The following STK38L variants were observed in gnomAD, a reference collection of about 807,000 sequenced individuals.
STK38L encodes the protein serine/threonine-protein kinase 38-like.
A neutral mutation model predicts 59.7 loss-of-function variants in STK38L; 28 were observed. The observed-to-expected ratio is 0.47, with a 90% CI of 0.35 to 0.64. The LOEUF (loss-of-function observed/expected upper bound fraction) is 0.64, where lower values mean the gene tolerates loss of function less well. Among genes scored for constraint, STK38L ranks in the 30% least tolerant of loss-of-function variants. The pLI is 0.01. For missense variants in STK38L, 314 were observed against 555.8 expected (o/e 0.56, Z 4.37); for synonymous variants, 162 against 176.8 (o/e 0.92, Z 0.66).
In STK38L at chr12:27,315,290, A is replaced by G. The variant is rs986142787; in HGVS notation, c.777A>G (p.Ser259=). The change falls in exon 9 of 14, where the codon TCA becomes TCG. Residue 259 remains serine (S), a splice_region_variant and synonymous_variant. Transcript: ENST00000389032. The part of the protein sequence containing the change: ...NLTHNPPSDF[S]FQNMNSKRKA... ...ACAATTCCATATTGTTGAAATTAGC[A>G]TTTCAGAACATGAACTCAAAGAGGA... 1.3e-5 allele frequency: 21 copies of G among 1,613,702 alleles called. No homozygotes were observed. The highest frequency in any genetic ancestry group is 1.7e-5 in the Non-Finnish European group (20 of 1,179,872).
chr12:27,278,752 C>G (rs1028102312), intron 1 of STK38L, among the ~76,000 whole-genome samples: 2 of 152,120 alleles, frequency 1.3e-5, no homozygotes, highest in African/African-American at 4.8e-5. Flanking sequence ...AACCTTAACT[C>G]TCAGTTTGGA....
intron 1 of STK38L, among the ~76,000 whole-genome samples, chr12:27,266,471 C>T (rs990532992): frequency 7.2e-5 from 11 of 152,276 alleles, no homozygotes; most frequent in East Asian, 1.9e-4. Context: ...CCTGTCAGTC[C>T]GCCATTACCC....
At chr12:27,315,715 A>G (rs953226245) in intron 9 of STK38L, among the ~76,000 whole-genome samples, 6 of 152,238 alleles carry the variant, frequency 3.9e-5, no homozygotes, top group African/African-American at 1.2e-4. Context: ...ACAAATATCA[A>G]TCAGCAAGTA....
chr12:27,317,640 TG>T (rs1944618137), intron 10 of STK38L, 187 bp downstream of exon 10: 8 of 705,796 alleles, frequency 1.1e-5, no homozygotes, highest in Non-Finnish European at 1.8e-5. Context: ...TTCAGGAAGG[TG>T]GGTATTTAAC....
At chr12:27,302,894 TC>T in intron 3 of STK38L, among the ~76,000 whole-genome samples, 1 of 151,268 alleles carries the variant, frequency 6.6e-6, no homozygotes, top group East Asian at 1.9e-4. Context: ...GCGCCTGTAG[TC>T]CCAGCTACTC....
At chr12:27,258,273 G>A (rs1943131297) in intron 1 of STK38L, among the ~76,000 whole-genome samples, 1 of 152,202 alleles carries the variant, frequency 6.6e-6, no homozygotes, top group African/African-American at 2.4e-5. Context: ...TCGAACTCCT[G>A]AGCTTAAGCA....
chr12:27,261,732 T>C (rs567124972), intron 1 of STK38L, among the ~76,000 whole-genome samples: 1 of 152,340 alleles, frequency 6.6e-6, no homozygotes, highest in South Asian at 2.1e-4. Flanking sequence ...ACAAATTTCT[T>C]AAGTTCTTCT....
At chr12:27,260,614 G>A (rs1314678219) in intron 1 of STK38L, among the ~76,000 whole-genome samples, 5 of 152,072 alleles carry the variant, frequency 3.3e-5, no homozygotes, top group Non-Finnish European at 5.9e-5. Context: ...CAGGGCCTTT[G>A]CACTTACCAT....
In STK38L at chr12:27,308,989, T is replaced by G. The variant is rs7955874; in HGVS notation, c.310-125T>G. ...ATATATAGATATAAAAATATATAGA[T>G]ATATATATATAAAATTCCTGAAATA... On this transcript the variant is annotated intron_variant, in intron 4 of 13. Coordinates refer to ENST00000389032, the MANE Select transcript of STK38L (RefSeq NM_015000.4). This position sits in a 1 kb window ranked among gnomAD's most constrained non-coding sequence, Gnocchi z 4.5. 0.039 allele frequency: 6,903 copies of G among 175,770 alleles called. 512 individuals are homozygous for G. Among genetic ancestry groups the G allele is most frequent in the African/African-American group, 0.16 (6,447 of 40,352 alleles). 10.9% of individuals were successfully genotyped at this position (175,770 alleles called of 1,614,324 possible). A position where few individuals can be genotyped will look rare whatever the true frequency, so the allele number is the denominator to read the frequency against.
intron 6 of STK38L, among the ~76,000 whole-genome samples, chr12:27,313,175 G>C (rs1944496779): frequency 1.3e-5 from 2 of 151,710 alleles, no homozygotes; most frequent in African/African-American, 4.8e-5. Context: ...GTGAACCCGG[G>C]AGGCGGAGCT....
chr12:27,269,278 A>T (rs1420334452), intron 1 of STK38L, among the ~76,000 whole-genome samples: 1 of 152,152 alleles, frequency 6.6e-6, no homozygotes, highest in East Asian at 1.9e-4. Context: ...TCTTTAATCC[A>T]TCTTGAATTA....
intron 1 of STK38L, among the ~76,000 whole-genome samples, chr12:27,255,024 C>G (rs1291782229): frequency 1.3e-5 from 2 of 152,164 alleles, no homozygotes; most frequent in Admixed American, 1.3e-4. Flanking sequence ...ACCAGTGTCT[C>G]TTTATTTTTA....
intron 1 of STK38L, among the ~76,000 whole-genome samples, chr12:27,278,614 T>C (rs1943587014): frequency 1.3e-5 from 2 of 152,218 alleles, no homozygotes; most frequent in Admixed American, 1.3e-4. Flanking sequence ...GGTTTGTCTT[T>C]ATTTGGTCAC....
In STK38L at chr12:27,315,281, GAA is replaced by G; in HGVS notation, c.776-6_776-5del. The stretch of plus-strand genomic sequence containing the variant: ...CTCGTGATTACAATTCCATATTGTT[GAA>G]ATTAGCATTTCAGAACATGAACTCA... On this transcript the variant is annotated splice_polypyrimidine_tract_variant and splice_region_variant and intron_variant, in intron 8 of 13. Coordinates refer to ENST00000389032, the MANE Select transcript of STK38L (RefSeq NM_015000.4). 3 of 1,613,566 alleles carry G rather than the reference GAA, an allele frequency of 1.9e-6. No individual in the cohort carries two copies. Among genetic ancestry groups the G allele is most frequent in the Non-Finnish European group, 2.5e-6 (3 of 1,179,762 alleles).
intron 1 of STK38L, among the ~76,000 whole-genome samples, chr12:27,270,935 G>C (rs1943409978): frequency 6.6e-6 from 1 of 152,140 alleles, no homozygotes; most frequent in Non-Finnish European, 1.5e-5. Context: ...ATTATCTTTT[G>C]GTAGATTTTT....
At chr12:27,268,910 A>G (rs527924638) in intron 1 of STK38L, among the ~76,000 whole-genome samples, 38 of 152,286 alleles carry the variant, frequency 2.5e-4, no homozygotes, top group South Asian at 1.2e-3. Context: ...GGCTTCATAA[A>G]TGTCTTCTTT....
At chr12:27,259,530 C>T (rs1025024120) in intron 1 of STK38L, among the ~76,000 whole-genome samples, 1 of 152,084 alleles carries the variant, frequency 6.6e-6, no homozygotes, top group African/African-American at 2.4e-5. Context: ...ATAAAATAGG[C>T]GTCATACCTA....
rs550860406 is a variant in STK38L, at chr12:27,249,657, C to T, written c.-12+5325C>T. On this transcript the variant is annotated intron_variant, in intron 1 of 13. Coordinates refer to ENST00000389032, the MANE Select transcript of STK38L (RefSeq NM_015000.4). ...CTGGCCTATGCTTAGCTTTTAAATT[C>T]TTAACAAGCTCTTTACCTTCCCCTT... Among the ~76,000 whole-genome samples, 4 of 152,296 alleles carry T rather than the reference C, an allele frequency of 2.6e-5. No homozygotes were observed. In the East Asian group the frequency reaches 5.8e-4, roughly 22 times the overall value.
intron 1 of STK38L, among the ~76,000 whole-genome samples, chr12:27,268,970 GT>G (rs1213138652): frequency 6.6e-6 from 1 of 152,056 alleles, no homozygotes; most frequent in African/African-American, 2.4e-5. Flanking sequence ...GGGGTTGTTT[GT>G]TTTTTTCTTG....
Sources: allele counts gnomAD v4.1 joint callset (sites outside exome capture counted in the v4.1 genomes callset), GRCh38; gene constraint gnomAD v4.1.1; non-coding constraint Gnocchi (gnomAD v3.1); transcripts MANE v1.5; gene names NCBI Gene and HGNC (gene_info 2026-07-23, HGNC 2026-07-21).